Variants in SMG5 observed in about 807,000 individuals in gnomAD.
SMG5 encodes SMG5 nonsense mediated mRNA decay factor, also known as nonsense-mediated mRNA decay factor SMG5.
Under a neutral mutation model 122.9 loss-of-function variants are expected in SMG5, and 53 were observed. The observed-to-expected ratio is 0.43, with a 90% CI of 0.35 to 0.54. The LOEUF is 0.54. Among genes scored for constraint, SMG5 ranks in the 20% least tolerant of loss-of-function variants. SMG5 has a pLI of 0.01. For synonymous variants in SMG5, 477 were observed against 490.2 expected, an observed-to-expected ratio of 0.97 and a Z score of 0.35; for missense variants, 1,153 against 1,285.6, an observed-to-expected ratio of 0.90 and a Z score of 1.58.
At chr1:156,287,696 A>C (rs1169277415), upstream of SMG5, among the ~76,000 whole-genome samples, 2 of 149,310 alleles carry the variant, frequency 1.3e-5, no homozygotes, top group Admixed American at 6.7e-5. Flanking sequence ...AGCTCACTAC[A>C]ATCTCCACCT....
At chr1:156,275,771 T>A (rs1420946714) in intron 4 of SMG5, among the ~76,000 whole-genome samples, 1 of 151,920 alleles carries the variant, frequency 6.6e-6, no homozygotes. Flanking sequence ...TGGTAACCTA[T>A]GGACATGGTC....
intron 17 of SMG5, 89 bp from the exon 18 acceptor site, chr1:156,253,167 G>T: frequency 7.1e-7 from 1 of 1,401,406 alleles, no homozygotes; most frequent in African/African-American, 1.4e-5. Flanking sequence ...GCTCTATGGG[G>T]CTCCTCCTGT....
intron 12 of SMG5, 56 bp downstream of exon 12, chr1:156,265,725 A>G (rs2103226627): frequency 2.6e-6 from 4 of 1,567,096 alleles, no homozygotes; most frequent in South Asian, 1.2e-5. Context: ...CTCTCTGGTG[A>G]GTGTCTATGG....
rs758731987 is a variant in SMG5 at position 156,259,141 on chromosome 1, A to G, written c.2306T>C (p.Ile769Thr). ...LEESVVRICCIRSFGHFIARL... is the reference protein window; with the variant it reads ...LEESVVRICCTRSFGHFIARL... The stretch of plus-strand genomic sequence containing the variant: ...GGCGATGAAATGACCAAAGCTGCGG[A>G]TGCAGCAGATGCGCACCACTGACTG... Residue 769 changes from isoleucine (I) to threonine (T), a missense_variant, in exon 16 of 22, where the codon ATC becomes ACC. Ile to Thr is a moderately conservative substitution (Grantham distance 89). Around this residue, in one of 5 missense-constraint regions of SMG5, gnomAD observed 631 missense variants for 650.6 expected, o/e 0.97. Transcript: ENST00000361813. The G allele has an allele frequency of 6.3e-7, 1 of 1,592,094 alleles. No individual in the cohort carries two copies. The highest frequency in any genetic ancestry group is 1.7e-5 in the Admixed American group (1 of 57,628).
At chr1:156,253,101 G>C in intron 17 of SMG5, 23 bp from the exon 18 acceptor site, 1 of 1,572,144 alleles carries the variant, frequency 6.4e-7, no homozygotes, top group South Asian at 1.2e-5. Flanking sequence ...GGCAAGGTGG[G>C]TACAGCTGTG....
intron 7 of SMG5, among the ~76,000 whole-genome samples, chr1:156,271,733 G>C (rs1240105926): frequency 7.9e-6 from 1 of 126,148 alleles, no homozygotes; most frequent in Non-Finnish European, 1.8e-5. Flanking sequence ...GCTAGGATTA[G>C]AGGCGCTCAC....
chr1:156,272,181 CTGAA>C lies in SMG5; in HGVS notation c.713+135_713+138del, dbSNP rs1282158538. The C allele has an allele frequency of 7.9e-6, 6 of 759,984 alleles. No individual in the cohort carries two copies. The African/African-American group carries it at 1.0e-4, about 13-fold the overall frequency. 47.1% of individuals were successfully genotyped at this position (759,984 alleles called of 1,614,324 possible). A position where few individuals can be genotyped will look rare whatever the true frequency, so the allele number is the denominator to read the frequency against. ...GCAGCAGGGCTGTGTCAGAGTCCCC[CTGAA>C]TGGAGAGACCCTTCAATCTTAGCAT... On this transcript the variant is annotated intron_variant, in intron 7 of 21. Transcript: ENST00000361813.
Position 156,265,916 on chromosome 1 carries a change from T to G in SMG5, c.1720A>C (p.Met574Leu). The change falls in exon 12 of 22, where the codon ATG (methionine) becomes CTG (leucine). Residue 574 changes from methionine (M) to leucine (L), a missense_variant. Physicochemically the swap from Met to Leu is conservative, Grantham distance 15. Around this residue, in one of 5 missense-constraint regions of SMG5, gnomAD observed 631 missense variants for 650.6 expected, o/e 0.97. Transcript: ENST00000361813. ...CGGAAGCAGCGCTTAGTCTGGAACA[T>G]CTGGGTGGACATGGCTTGTAGATTG... ...ASNLQAMSTQ[M>L]FQTKRCFRLA... 1 of 1,614,136 alleles carries G rather than the reference T, an allele frequency of 6.2e-7. No homozygotes were observed.
chr1:156,250,439 T>C lies in SMG5; in HGVS notation c.*148A>G. On this transcript the variant is annotated 3_prime_UTR_variant, in exon 22 of 22. Transcript: ENST00000361813. ...ACCCTCCCAGCCGGCTCCTGGGCCC[T>C]CCCTGCAGCCTCTGAGCAGCTAGGC... is the stretch of plus-strand genomic sequence containing the variant. 1.4e-6 allele frequency: 1 copy of C among 732,430 alleles called. No individual in the cohort carries two copies. The highest frequency in any genetic ancestry group is 2.3e-5 in the Admixed American group (1 of 44,198). The allele number at this position is 732,430 out of a possible 1,614,324, so 45.4% of individuals were successfully genotyped here. A position where few individuals can be genotyped will look rare whatever the true frequency, so the allele number is the denominator to read the frequency against.
rs1238224768 is a variant in SMG5 at position 156,262,401 on chromosome 1, A to AG, written c.2031+993dup. On this transcript the variant is annotated intron_variant, in intron 13 of 21. Coordinates refer to ENST00000361813, the MANE Select transcript of SMG5 (RefSeq NM_015327.3). ...TGAGGTGGGAGAATGGTATGAACCT[A>AG]GGAGGCGGAACTTGCAGTGAGCCGA... 6.2e-5 allele frequency among the ~76,000 whole-genome samples: 9 copies of AG among 146,040 alleles called. No individual in the cohort carries two copies. In the East Asian group the frequency reaches 2.0e-3, roughly 32 times the overall value.
At chr1:156,283,240 G>A (rs28372828), upstream of SMG5, among the ~76,000 whole-genome samples, 1 of 152,048 alleles carries the variant, frequency 6.6e-6, no homozygotes, top group Non-Finnish European at 1.5e-5. Context: ...GCATGTGAAA[G>A]TTTCCTTGGA....
Position 156,265,920 on chromosome 1 carries a change from G to C in SMG5, c.1716C>G (p.Thr572=). 2 of 1,614,216 alleles carry C rather than the reference G, an allele frequency of 1.2e-6. No homozygotes were observed. Among genetic ancestry groups the C allele is most frequent in the Non-Finnish European group, 1.7e-6 (2 of 1,180,040 alleles). The change falls in exon 12 of 22, where the codon ACC becomes ACG. Residue 572 remains threonine (T), a synonymous_variant. Transcript: ENST00000361813. The part of the protein sequence containing the change: ...SIASNLQAMS[T]QMFQTKRCFR... ...AGCAGCGCTTAGTCTGGAACATCTG[G>C]GTGGACATGGCTTGTAGATTGCTGG... is the stretch of plus-strand genomic sequence containing the variant.
chr1:156,253,303 G>A (rs942029144), intron 17 of SMG5, 146 bp downstream of exon 17: 5 of 927,538 alleles, frequency 5.4e-6, no homozygotes, highest in Non-Finnish European at 8.5e-6. Context: ...TGAAGAGTGA[G>A]TAGTAAGGAG....
intron 6 of SMG5, 22 bp downstream of exon 6, chr1:156,273,339 G>GCC (rs780625313): frequency 1.9e-4 from 297 of 1,603,434 alleles, no homozygotes; most frequent in Non-Finnish European, 2.3e-4. Flanking sequence ...GGATTCAGAG[G>GCC]CCCAAGTTGG....
intron 13 of SMG5, 73 bp downstream of exon 13, chr1:156,263,322 A>G (rs897181571): frequency 5.3e-6 from 8 of 1,501,856 alleles, no homozygotes; most frequent in Middle Eastern, 1.8e-4. Flanking sequence ...GGGGATCCTC[A>G]GGCCCCATCC....
At chr1:156,259,348 C>T (rs531369456) in intron 15 of SMG5, among the ~76,000 whole-genome samples, 185 bp from the exon 16 acceptor site, 1 of 152,136 alleles carries the variant, frequency 6.6e-6, no homozygotes, top group South Asian at 2.1e-4. Context: ...CCCAGAGCCT[C>T]TAACTGCCAG....
Position 156,277,976 on chromosome 1 carries a change from C to T in SMG5, c.246G>A (p.Leu82=), listed in dbSNP as rs1318605947. The T allele has an allele frequency of 1.2e-6, 2 of 1,614,190 alleles. No homozygotes were observed. Among genetic ancestry groups the T allele is most frequent in the Admixed American group, 3.3e-5 (2 of 60,028 alleles). The change falls in exon 3 of 22, where the codon CTG becomes CTA. Residue 82 remains leucine (L), a synonymous_variant. Coordinates refer to ENST00000361813, the MANE Select transcript of SMG5 (RefSeq NM_015327.3). ...VDYGRKAEEL[L]WRKVYYEVIQ... ...TAACTTCATAGTATACCTTTCTCCA[C>T]AGCAGCTCCTCAGCCTTTCTCCCAT...
Position 156,250,543 on chromosome 1 carries a change from G to T in SMG5, c.*44C>A. On this transcript the variant is annotated 3_prime_UTR_variant, in exon 22 of 22. Transcript: ENST00000361813. ...TGGTCCTGGCTGCCAGGGAGGGCAG[G>T]AGAGATCTGGAGTCAGCCCCACTGC... The T allele has an allele frequency of 6.5e-7, 1 of 1,548,856 alleles. No individual in the cohort carries two copies. The highest frequency in any genetic ancestry group is 1.1e-5 in the South Asian group (1 of 89,706).
rs191853267 is a variant in SMG5, at chr1:156,280,319, C to T, written c.75-1285G>A. On this transcript the variant is annotated intron_variant, in intron 1 of 21. Transcript: ENST00000361813. ...GTGAAGATTCCCAAACAAACCAAGA[C>T]GTGCTCCCGGGCCAGGAAAAGTGGG... Among the ~76,000 whole-genome samples the T allele has an allele frequency of 5.4e-4, 82 of 152,332 alleles. 1 individual carries two copies. The highest frequency in any genetic ancestry group is 1.9e-3 in the African/African-American group (79 of 41,570).
Sources: gnomAD v4.1 joint callset for allele counts (sites outside exome capture counted in the v4.1 genomes callset) on GRCh38, gnomAD v4.1.1 for gene constraint, gnomAD v4.1.1 regional missense constraint, MANE v1.5 for transcripts, NCBI Gene and HGNC (gene_info 2026-07-23, HGNC 2026-07-21) for gene names.